The following COL19A1 variants were observed in gnomAD, a reference collection of about 807,000 sequenced individuals.
COL19A1 encodes the protein collagen type XIX alpha 1 chain.
In COL19A1, 159 loss-of-function variants were observed where a neutral mutation model predicts 190.2. The observed-to-expected ratio is 0.84, with a 90% CI of 0.73 to 0.95. COL19A1 has a LOEUF of 0.95. Ranked by LOEUF, COL19A1 falls within the 40% of genes least tolerant of loss-of-function variation. The pLI is 0.00. For synonymous variants in COL19A1, 509 were observed against 458.9 expected (o/e 1.11, Z -1.39); for missense variants, 1,418 against 1,431.9 (o/e 0.99, Z 0.16).
chr6:70,205,608 G>A (rs760155721), intron 49 of COL19A1, among the ~76,000 whole-genome samples: 13 of 152,160 alleles, frequency 8.5e-5, no homozygotes, highest in Non-Finnish European at 1.2e-4. Flanking sequence ...GAAAAAGTTG[G>A]AAATAAAAAC....
At chr6:69,914,436 T>C (rs975585380) in intron 4 of COL19A1, among the ~76,000 whole-genome samples, 1 of 152,172 alleles carries the variant, frequency 6.6e-6, no homozygotes, top group African/African-American at 2.4e-5. Context: ...GTAACTTGTA[T>C]CATATTTCTC....
chr6:70,009,095 A>G (rs951893898), intron 11 of COL19A1, among the ~76,000 whole-genome samples: 1 of 152,024 alleles, frequency 6.6e-6, no homozygotes, highest in Non-Finnish European at 1.5e-5. Flanking sequence ...ATCAGGATCA[A>G]TACAAGAATA....
At chr6:70,139,875 C>T (rs1786126339) in intron 19 of COL19A1, among the ~76,000 whole-genome samples, 1 of 151,416 alleles carries the variant, frequency 6.6e-6, no homozygotes, top group South Asian at 2.1e-4. Flanking sequence ...GCCATTGGAG[C>T]CAGGACTAAA....
chr6:70,081,331 C>G (rs1324257539), intron 15 of COL19A1, among the ~76,000 whole-genome samples: 1 of 152,104 alleles, frequency 6.6e-6, no homozygotes, highest in Non-Finnish European at 1.5e-5. Context: ...TTCTTAAAAA[C>G]AAACCATTTA....
intron 15 of COL19A1, among the ~76,000 whole-genome samples, chr6:70,090,618 A>C (rs1782860553): frequency 6.6e-6 from 1 of 152,184 alleles, no homozygotes; most frequent in Admixed American, 6.5e-5. Context: ...AATCTAAAAC[A>C]GATAACCTAA....
At chr6:69,961,377 T>C (rs1774789268) in intron 10 of COL19A1, among the ~76,000 whole-genome samples, 1 of 152,238 alleles carries the variant, frequency 6.6e-6, no homozygotes, top group Non-Finnish European at 1.5e-5. Flanking sequence ...AACCCATTAA[T>C]ACAGCATGTA....
intron 14 of COL19A1, among the ~76,000 whole-genome samples, chr6:70,036,818 C>T (rs969617636): frequency 1.3e-5 from 2 of 152,088 alleles, no homozygotes; most frequent in Non-Finnish European, 1.5e-5. Context: ...TTCTAGTAAT[C>T]TGAATGGAGC....
At chr6:69,972,148 T>C (rs1775464748) in intron 11 of COL19A1, among the ~76,000 whole-genome samples, 1 of 152,188 alleles carries the variant, frequency 6.6e-6, no homozygotes, top group Admixed American at 6.5e-5. Flanking sequence ...CTGCTTTGAA[T>C]ATTTTCCCCT....
chr6:69,952,669 A>G (rs1027546478), intron 9 of COL19A1, among the ~76,000 whole-genome samples: 5 of 151,982 alleles, frequency 3.3e-5, no homozygotes, highest in Non-Finnish European at 7.4e-5. Flanking sequence ...TAAACTCTGA[A>G]GCCCTCAGCA....
intron 13 of COL19A1, among the ~76,000 whole-genome samples, chr6:70,035,618 A>G (rs1021141768): frequency 6.6e-6 from 1 of 152,194 alleles, no homozygotes; most frequent in Non-Finnish European, 1.5e-5. Flanking sequence ...TATTATTTCT[A>G]ATTTTGGATT....
rs533033283 is a variant in COL19A1 at position 70,159,038 on chromosome 6, A to T, written c.2292+2315A>T. ...TTATTTATGGACTGAGGTTTATTTT[A>T]AAGTTTAATGTGGTCATCAAAGGTT... On this transcript the variant is annotated intron_variant, in intron 34 of 50. Coordinates refer to ENST00000620364, the MANE Select transcript of COL19A1 (RefSeq NM_001858.6). Among the ~76,000 whole-genome samples, 11 of 152,162 alleles carry T rather than the reference A, an allele frequency of 7.2e-5. No homozygotes were observed. The East Asian group carries it at 2.1e-3, about 29-fold the overall frequency.
In COL19A1 at chr6:70,017,755, A is replaced by G. The variant is rs372498314; in HGVS notation, c.1027-5872A>G. 2.6e-5 allele frequency among the ~76,000 whole-genome samples: 4 copies of G among 152,156 alleles called. No individual in the cohort carries two copies. The East Asian group carries it at 7.7e-4, about 29-fold the overall frequency. The stretch of plus-strand genomic sequence containing the variant: ...AAATATAGTATCACAGCAAGTAAGT[A>G]TTTCTAGGAGGGGGCTTGTCATAAA... On this transcript the variant is annotated intron_variant, in intron 11 of 50. Transcript: ENST00000620364.
intron 15 of COL19A1, among the ~76,000 whole-genome samples, chr6:70,069,849 T>C (rs563458108): frequency 6.6e-6 from 1 of 152,296 alleles, no homozygotes; most frequent in Non-Finnish European, 1.5e-5. Flanking sequence ...CATTCTATTC[T>C]TTGGGGGCTT....
intron 1 of COL19A1, among the ~76,000 whole-genome samples, chr6:69,868,583 G>C (rs1767627916): frequency 6.6e-6 from 1 of 152,192 alleles, no homozygotes; most frequent in Non-Finnish European, 1.5e-5. Flanking sequence ...GGAAAGGAGG[G>C]AGACAGTATG....
chr6:69,980,726 G>A (rs377273707), intron 11 of COL19A1, among the ~76,000 whole-genome samples: 3 of 152,300 alleles, frequency 2.0e-5, no homozygotes, highest in Admixed American at 1.3e-4. Context: ...TAGGCAGCTC[G>A]CTAAAGAGAA....
chr6:70,039,347 A>G (rs867870170), intron 14 of COL19A1, among the ~76,000 whole-genome samples: 2 of 152,216 alleles, frequency 1.3e-5, no homozygotes, highest in South Asian at 2.1e-4. Flanking sequence ...TATATCAAAA[A>G]CACCCAACCT....
chr6:70,108,273 C>G (rs1003437303), intron 16 of COL19A1, among the ~76,000 whole-genome samples: 7 of 152,110 alleles, frequency 4.6e-5, no homozygotes, highest in African/African-American at 1.7e-4. Flanking sequence ...CTGCTACAGG[C>G]AAGACTTTTT....
At chr6:70,153,127 G>A (rs1467111443) in intron 31 of COL19A1, among the ~76,000 whole-genome samples, 1 of 152,122 alleles carries the variant, frequency 6.6e-6, no homozygotes, top group East Asian at 1.9e-4. Flanking sequence ...GAAAGGGGAG[G>A]TATGTAGTTC....
intron 2 of COL19A1, among the ~76,000 whole-genome samples, chr6:69,898,169 A>C (rs1769917824): frequency 6.6e-6 from 1 of 152,192 alleles, no homozygotes; most frequent in Non-Finnish European, 1.5e-5. Flanking sequence ...TTTAGTTTAA[A>C]ATGTTAAACT....
Sources: allele counts gnomAD v4.1 joint callset (sites outside exome capture counted in the v4.1 genomes callset), GRCh38; gene constraint gnomAD v4.1.1; transcripts MANE v1.5; gene names NCBI Gene and HGNC (gene_info 2026-07-23, HGNC 2026-07-21).